The following ZNF407 variants were observed in gnomAD, a reference collection of about 807,000 sequenced individuals.
The protein encoded by ZNF407 is zinc finger protein 407.
ZNF407 carries 17 observed loss-of-function variants against 131.2 expected under a neutral mutation model. The observed-to-expected ratio is 0.13, with a 90% CI of 0.09 to 0.19. The LOEUF (loss-of-function observed/expected upper bound fraction) is 0.19. Among genes scored for constraint, ZNF407 ranks in the 10% least tolerant of loss-of-function variants. The pLI is 1.00. For missense variants in ZNF407, 2,681 were observed against 2,830.6 expected (o/e 0.95, Z 1.20); for synonymous variants, 1,156 against 1,062.0 (o/e 1.09, Z -1.72).
chr18:74,861,104 C>T (rs895561375), intron 4 of ZNF407, among the ~76,000 whole-genome samples: 23 of 152,140 alleles, frequency 1.5e-4, no homozygotes, highest in African/African-American at 5.3e-4. Flanking sequence ...CCTGATTGGA[C>T]CTCCAGCAAG....
intron 3 of ZNF407, among the ~76,000 whole-genome samples, chr18:74,707,007 C>T (rs1034323068): frequency 2.7e-5 from 4 of 149,300 alleles, no homozygotes; most frequent in African/African-American, 1.0e-4. Flanking sequence ...GCTGGAGTGC[C>T]GTGGTGCCAT....
chr18:75,039,884 A>G (rs1464678126), intron 8 of ZNF407, among the ~76,000 whole-genome samples: 1 of 151,718 alleles, frequency 6.6e-6, no homozygotes, highest in African/African-American at 2.4e-5. Flanking sequence ...TTTTGGTTCA[A>G]TCTCAGTTTT....
At chr18:74,853,280 G>A (rs1190475235) in intron 4 of ZNF407, among the ~76,000 whole-genome samples, 2 of 152,202 alleles carry the variant, frequency 1.3e-5, no homozygotes, top group Admixed American at 1.3e-4. Flanking sequence ...ATGTTTTATA[G>A]AGTAAATCGT....
intron 4 of ZNF407, among the ~76,000 whole-genome samples, chr18:74,836,622 A>C (rs899185715): frequency 5.3e-5 from 8 of 152,008 alleles, no homozygotes; most frequent in Admixed American, 3.9e-4. Flanking sequence ...AACCTTCCTC[A>C]TTTTTTACAG....
chr18:74,920,766 T>C, intron 8 of ZNF407, 74 bp downstream of exon 8: 8 of 1,465,676 alleles, frequency 5.5e-6, no homozygotes, highest in Non-Finnish European at 6.4e-6. Context: ...ATGCTATTTG[T>C]ACATTACCAT....
intron 8 of ZNF407, among the ~76,000 whole-genome samples, chr18:74,985,672 C>G (rs962847076): frequency 6.6e-6 from 1 of 152,136 alleles, no homozygotes; most frequent in Admixed American, 6.5e-5. Flanking sequence ...GACCTTCTGG[C>G]GCTGTTCTGA....
intron 3 of ZNF407, among the ~76,000 whole-genome samples, chr18:74,725,450 CAG>C (rs1241794410): frequency 2.6e-5 from 4 of 152,154 alleles, no homozygotes; most frequent in East Asian, 1.9e-4. Context: ...GGAGACGAGA[CAG>C]AATCTATTTT....
rs531696543 is a variant in ZNF407 at position 74,968,587 on chromosome 18, C to G, written c.5428+47895C>G. ...CAGACAGGACTCACAGTTAACGGTT[C>G]TTTTCTCTTAGCAGGTGCCTCTTTC... On this transcript the variant is annotated intron_variant, in intron 8 of 8. Transcript: ENST00000299687. 3.3e-5 allele frequency among the ~76,000 whole-genome samples: 5 copies of G among 152,286 alleles called. No individual in the cohort carries two copies. The South Asian group carries it at 8.3e-4, about 25-fold the overall frequency.
chr18:75,021,566 G>A (rs537551172), intron 8 of ZNF407, among the ~76,000 whole-genome samples: 31 of 152,126 alleles, frequency 2.0e-4, no homozygotes, highest in African/African-American at 7.5e-4. Flanking sequence ...CGTCATGCCT[G>A]GCCCATTATA....
At chr18:74,991,157 A>T (rs1038896841) in intron 8 of ZNF407, among the ~76,000 whole-genome samples, 5 of 152,232 alleles carry the variant, frequency 3.3e-5, no homozygotes, top group Non-Finnish European at 7.3e-5. Context: ...CAAGCAAGTC[A>T]TGAGAAAGTT....
intron 1 of ZNF407, among the ~76,000 whole-genome samples, chr18:74,621,441 C>T (rs1467001156): frequency 2.0e-5 from 3 of 152,134 alleles, no homozygotes; most frequent in Non-Finnish European, 2.9e-5. Context: ...TTGCTGTCCT[C>T]TGAAGGCTTA....
intron 3 of ZNF407, among the ~76,000 whole-genome samples, chr18:74,684,361 A>C (rs1169696912): frequency 6.6e-6 from 1 of 152,218 alleles, no homozygotes; most frequent in Admixed American, 6.5e-5. Flanking sequence ...CTTAGATTGA[A>C]TTTCAAAAGT....
intron 8 of ZNF407, among the ~76,000 whole-genome samples, chr18:74,986,776 G>A (rs555759845): frequency 6.6e-6 from 1 of 152,220 alleles, no homozygotes; most frequent in South Asian, 2.1e-4. Context: ...CACACTTTTC[G>A]ATGAGTATGT....
chr18:74,674,920 A>G (rs756006710), intron 3 of ZNF407, among the ~76,000 whole-genome samples: 1 of 152,222 alleles, frequency 6.6e-6, no homozygotes, highest in Non-Finnish European at 1.5e-5. Context: ...ACTAATCACC[A>G]AATGTATATC....
chr18:74,930,732 TC>T (rs2145255106), intron 8 of ZNF407, among the ~76,000 whole-genome samples: 1 of 152,320 alleles, frequency 6.6e-6, no homozygotes, highest in Non-Finnish European at 1.5e-5. Context: ...CACTGCCCCC[TC>T]TTTCCAGTCA....
chr18:74,617,873 A>G (rs1983382663), intron 1 of ZNF407, among the ~76,000 whole-genome samples: 1 of 152,148 alleles, frequency 6.6e-6, no homozygotes, highest in South Asian at 2.1e-4. Flanking sequence ...TAGATTTGGT[A>G]TTCCTTGATG....
intron 1 of ZNF407, among the ~76,000 whole-genome samples, chr18:74,604,995 C>A (rs1982741666): frequency 1.3e-5 from 2 of 152,152 alleles, no homozygotes; most frequent in African/African-American, 4.8e-5. Context: ...GACATTCTTA[C>A]CCTTATTAGG....
chr18:74,772,398 T>C (rs1969381185), intron 3 of ZNF407, among the ~76,000 whole-genome samples: 1 of 152,214 alleles, frequency 6.6e-6, no homozygotes. Flanking sequence ...TCTTTTCATG[T>C]ATATATTTGT....
intron 4 of ZNF407, among the ~76,000 whole-genome samples, chr18:74,810,495 G>A (rs1023230721): frequency 2.0e-5 from 3 of 152,168 alleles, no homozygotes; most frequent in Non-Finnish European, 2.9e-5. Context: ...AACTGTTAGA[G>A]AAAAGAATAA....
Sources: allele counts gnomAD v4.1 joint callset (sites outside exome capture counted in the v4.1 genomes callset), GRCh38; gene constraint gnomAD v4.1.1; transcripts MANE v1.5; gene names NCBI Gene and HGNC (gene_info 2026-07-23, HGNC 2026-07-21).